Variants in KANK2 observed in about 807,000 individuals in gnomAD.
KANK2 encodes KN motif and ankyrin repeat domains 2.
KANK2 carries 41 observed loss-of-function variants against 74.6 expected under a neutral mutation model. The observed-to-expected ratio is 0.55, with a 90% confidence interval of 0.43 to 0.71. The LOEUF (loss-of-function observed/expected upper bound fraction) is 0.71, where lower values mean the gene tolerates loss of function less well. Ranked by LOEUF, KANK2 falls within the 30% of genes least tolerant of loss-of-function variation. KANK2 has a pLI of 0.00. For synonymous variants in KANK2, 537 were observed against 519.0 expected, an observed-to-expected ratio of 1.03 and a Z score of -0.47; for missense variants, 1,148 against 1,196.4, an observed-to-expected ratio of 0.96 and a Z score of 0.60.
intron 4 of KANK2, among the ~76,000 whole-genome samples, chr19:11,182,600 T>C (rs1377653695): frequency 6.7e-6 from 1 of 149,470 alleles, no homozygotes; most frequent in Non-Finnish European, 1.5e-5. Flanking sequence ...CCCCAGGACT[T>C]TGGGAGGCCA....
At chr19:11,183,737 G>A (rs919317609) in intron 4 of KANK2, among the ~76,000 whole-genome samples, 7 of 149,698 alleles carry the variant, frequency 4.7e-5, no homozygotes, top group Admixed American at 3.4e-4. Context: ...TGCAACTTTC[G>A]CCTCCCTGAT....
intron 4 of KANK2, chr19:11,192,464 T>C (rs919113686): frequency 2.7e-4 from 45 of 166,810 alleles, no homozygotes; most frequent in African/African-American, 1.2e-3. Flanking sequence ...AGACAGAGTC[T>C]CCCTCTGTTG....
chr19:11,169,996 T>A (rs766535779), intron 11 of KANK2, 30 bp from the exon 12 acceptor site: 1 of 1,613,052 alleles, frequency 6.2e-7, no homozygotes, highest in Non-Finnish European at 8.5e-7. Context: ...ATGAATGACG[T>A]CCCCATGCTG....
rs748622098 is a variant in KANK2, at chr19:11,170,041, G to C, written c.2412+7C>G. On this transcript the variant is annotated splice_region_variant and intron_variant, in intron 11 of 12. Transcript: ENST00000586659. The surrounding 1 kb of genome is among the most constrained non-coding windows in gnomAD (Gnocchi z 5.2). ...CCTCCCCGGGGTGCACCTGGTTGGA[G>C]ACTCACGCGATCTGTGAGTGAGATG... 1.5e-5 allele frequency: 24 copies of C among 1,612,718 alleles called. No individual in the cohort carries two copies. The highest frequency in any genetic ancestry group is 2.0e-5 in the Non-Finnish European group (24 of 1,178,812).
chr19:11,192,620 G>C (rs543446258), intron 4 of KANK2: 27 of 554,050 alleles, frequency 4.9e-5, no homozygotes, highest in African/African-American at 4.5e-4. Flanking sequence ...ATTTTTAGTA[G>C]AGATGGGTTT....
intron 4 of KANK2, among the ~76,000 whole-genome samples, chr19:11,184,077 T>C (rs1314926202): frequency 6.6e-6 from 1 of 152,146 alleles, no homozygotes; most frequent in Non-Finnish European, 1.5e-5. Context: ...TTTACCTATA[T>C]TCAAAATGAA....
In KANK2 at chr19:11,193,107, C is replaced by T. The variant is rs779830036; in HGVS notation, c.973G>A (p.Val325Ile). ...ACCACCCGGACTGTATCCACGCGGA[C>T]CGGGCTGTCCGGCGGTGGCCAGGCC... ...PQAWPPPDSP[V>I]RVDTVRVVEG... The change falls in exon 4 of 13, where the codon GTC becomes ATC. Residue 325 changes from valine (V) to isoleucine (I), a missense_variant. Val to Ile is a conservative substitution (Grantham distance 29, BLOSUM62 3). Transcript: ENST00000586659. This position sits in a 1 kb window ranked among gnomAD's most constrained non-coding sequence, Gnocchi z 9.6. 2 of 1,605,690 alleles carry T rather than the reference C, an allele frequency of 1.2e-6. No homozygotes were observed. Among genetic ancestry groups the T allele is most frequent in the Admixed American group, 1.7e-5 (1 of 59,506 alleles).
At chr19:11,189,274 C>A (rs1172098097) in intron 4 of KANK2, among the ~76,000 whole-genome samples, 1 of 151,874 alleles carries the variant, frequency 6.6e-6, no homozygotes, top group African/African-American at 2.4e-5. Flanking sequence ...CATATTAAAG[C>A]CTCACATTAT....
At chr19:11,173,846 G>A (rs2078249689) in intron 9 of KANK2, among the ~76,000 whole-genome samples, 1 of 152,108 alleles carries the variant, frequency 6.6e-6, no homozygotes, top group Non-Finnish European at 1.5e-5. Flanking sequence ...GACTAGGAGG[G>A]TGGTGTCTCT....
At position 11,176,767 on chromosome 19, in the gene KANK2, T is replaced by C. The variant is rs2078352109; in HGVS notation, c.1571A>G (p.Asn524Ser). Residue 524 changes from asparagine to serine, a missense_variant, in exon 7 of 13, where the codon AAC becomes AGC. Asn to Ser is a conservative substitution (Grantham distance 46). Coordinates refer to ENST00000586659, the MANE Select transcript of KANK2 (RefSeq NM_001136191.3). Reference protein sequence around the residue: ...DSSTAENISDNDSTENEAPEP... With the variant: ...DSSTAENISDSDSTENEAPEP... Reference sequence around the variant, plus strand: ...TGGGGCCTCGTTCTCTGTGCTGTCGTTGTCTGAGATGTTCTCTGCTGTGCT... The same window carrying C: ...TGGGGCCTCGTTCTCTGTGCTGTCGCTGTCTGAGATGTTCTCTGCTGTGCT... 6.3e-7 allele frequency: 1 copy of C among 1,596,408 alleles called. No homozygotes were observed. Among genetic ancestry groups the C allele is most frequent in the Non-Finnish European group, 8.5e-7 (1 of 1,170,394 alleles).
At position 11,170,200 on chromosome 19, in the gene KANK2, C is replaced by T. The variant is rs749771260; in HGVS notation, c.2260G>A (p.Val754Ile). The T allele has an allele frequency of 8.1e-6, 13 of 1,611,298 alleles. No individual in the cohort carries two copies. The highest frequency in any genetic ancestry group is 3.3e-5 in the Admixed American group (2 of 60,014). ...TCACAGGCCAGCAGGGCTTTGACAA[C>T]GTCCACCCGCCCGTGGCTGACGGCC... ...MLAVSHGRVD[V>I]VKALLACEAD... is the part of the protein sequence containing the mutation. Residue 754 changes from valine (V) to isoleucine (I), a missense_variant, in exon 11 of 13, where the codon GTT becomes ATT. Transcript: ENST00000586659. This position sits in a 1 kb window ranked among gnomAD's most constrained non-coding sequence, Gnocchi z 5.2.
intron 10 of KANK2, among the ~76,000 whole-genome samples, chr19:11,171,785 T>G (rs2147394072): frequency 6.6e-6 from 1 of 151,604 alleles, no homozygotes; most frequent in Non-Finnish European, 1.5e-5. Flanking sequence ...TTCAAGCGAT[T>G]CTCCTGCCTT....
At chr19:11,189,470 G>T (rs1051686966) in intron 4 of KANK2, among the ~76,000 whole-genome samples, 2 of 151,742 alleles carry the variant, frequency 1.3e-5, no homozygotes, top group Admixed American at 6.6e-5. Context: ...CAGTCATGGT[G>T]GTGCATGCCT....
At chr19:11,188,399 T>TA (rs143302049) in intron 4 of KANK2, among the ~76,000 whole-genome samples, 9,587 of 151,830 alleles carry the variant, frequency 0.063, 1,013 homozygotes, top group African/African-American at 0.22. Context: ...AGTAGGGGTT[T>TA]TTGCCATGTT....
At chr19:11,187,888 A>C (rs2078721951) in intron 4 of KANK2, among the ~76,000 whole-genome samples, 1 of 152,088 alleles carries the variant, frequency 6.6e-6, no homozygotes, top group Admixed American at 6.6e-5. Context: ...CCGAGTTCGA[A>C]ACCAGCCTGG....
intron 8 of KANK2, among the ~76,000 whole-genome samples, chr19:11,175,620 C>CA: frequency 6.6e-6 from 1 of 151,260 alleles, no homozygotes; most frequent in South Asian, 2.1e-4. Flanking sequence ...TGTAGATGCC[C>CA]AAAAAGGGAA....
At chr19:11,168,005 G>A (rs1003466097) in intron 12 of KANK2, among the ~76,000 whole-genome samples, 1 of 115,034 alleles carries the variant, frequency 8.7e-6, no homozygotes, top group Non-Finnish European at 1.8e-5. Flanking sequence ...CCACGTCCTT[G>A]TTTTTTTTTT....
chr19:11,182,552 A>AAC (rs2078555695), intron 4 of KANK2, among the ~76,000 whole-genome samples: 2 of 141,080 alleles, frequency 1.4e-5, no homozygotes, highest in Non-Finnish European at 3.2e-5. Flanking sequence ...AAAACAAAAC[A>AAC]AAACAAAAAA....
intron 4 of KANK2, among the ~76,000 whole-genome samples, chr19:11,186,170 C>G (rs1296763807): frequency 1.3e-5 from 2 of 152,034 alleles, no homozygotes. Flanking sequence ...GGTGGATCAC[C>G]TAAGGATGAG....
Sources: allele counts gnomAD v4.1 joint callset (sites outside exome capture counted in the v4.1 genomes callset), GRCh38; gene constraint gnomAD v4.1.1; non-coding constraint Gnocchi (gnomAD v3.1); transcripts MANE v1.5; gene names NCBI Gene and HGNC (gene_info 2026-07-23, HGNC 2026-07-21).